The following SLFN12L variants were observed in gnomAD, a reference collection of about 807,000 sequenced individuals.
The protein encoded by SLFN12L is schlafen family member 12 like, also known as schlafen family member 12-like.
Under a neutral mutation model 34.8 loss-of-function variants are expected in SLFN12L, and 34 were observed. The observed-to-expected ratio is 0.98, with a 90% confidence interval of 0.74 to 1.30. The LOEUF is 1.30. SLFN12L is among the 50% of genes most tolerant of loss of function. SLFN12L has a pLI of 0.00. For synonymous variants in SLFN12L, 259 were observed against 247.5 expected, an observed-to-expected ratio of 1.05 and a Z score of -0.44; for missense variants, 703 against 696.2, an observed-to-expected ratio of 1.01 and a Z score of -0.11.
At chr17:35,496,472 T>G (rs893626137) in intron 2 of SLFN12L, among the ~76,000 whole-genome samples, 1 of 151,780 alleles carries the variant, frequency 6.6e-6, no homozygotes, top group Middle Eastern at 3.2e-3. Flanking sequence ...TGGACAAGTT[T>G]CCCTCCCTCC....
intron 2 of SLFN12L, chr17:35,498,814 A>G: frequency 2.4e-6 from 2 of 841,524 alleles, no homozygotes; most frequent in East Asian, 2.5e-5. Flanking sequence ...CTTGATGTGC[A>G]GCCTGCCAAG....
intron 4 of SLFN12L, among the ~76,000 whole-genome samples, chr17:35,475,935 TTATATATATGTA>T (rs1913984115): frequency 6.8e-6 from 1 of 146,570 alleles, no homozygotes; most frequent in African/African-American, 2.5e-5. Flanking sequence ...TTTTTTAAAT[TTATATATATGTA>T]TATATATATA....
chr17:35,535,858 G>A (rs1343220014), intron 1 of SLFN12L, among the ~76,000 whole-genome samples: 1 of 152,042 alleles, frequency 6.6e-6, no homozygotes, highest in Admixed American at 6.5e-5. Context: ...GTTTTACCAT[G>A]TTGGCCAGGC....
chr17:35,467,085 C>T lies in SLFN12L; in HGVS notation c.*7838G>A, dbSNP rs1913728293. Among the ~76,000 whole-genome samples the T allele has an allele frequency of 1.3e-5, 2 of 152,196 alleles. No individual in the cohort carries two copies. The highest frequency in any genetic ancestry group is 1.3e-4 in the Admixed American group (2 of 15,280). ...CACACGCAGAAGGGAGTGACGTCCCCAGTCCTTGGTCCCTTGCCAGATGCC... is the reference window on the plus strand; with the variant it reads ...CACACGCAGAAGGGAGTGACGTCCCTAGTCCTTGGTCCCTTGCCAGATGCC... On this transcript the variant is annotated 3_prime_UTR_variant, in exon 5 of 5. Transcript: ENST00000628453.
At chr17:35,482,880 G>A (rs2083820) in intron 2 of SLFN12L, among the ~76,000 whole-genome samples, 101,137 of 151,848 alleles carry the variant, frequency 0.67, 33,789 homozygotes, top group Middle Eastern at 0.77. Flanking sequence ...CTCTTCTGGG[G>A]CTGCATGTGG....
At chr17:35,481,295 C>G (rs928331975) in intron 2 of SLFN12L, among the ~76,000 whole-genome samples, 4 of 152,222 alleles carry the variant, frequency 2.6e-5, no homozygotes, top group Middle Eastern at 3.2e-3. Flanking sequence ...TCCACCACCT[C>G]TTGTGGAAGG....
rs769467787 is a variant in SLFN12L, at chr17:35,479,689, G to C, written c.593C>G (p.Ala198Gly). The change falls in exon 3 of 5, where the codon GCA becomes GGA. Residue 198 changes from alanine to glycine, a missense_variant. Transcript: ENST00000628453. ...LKDMEKTGGR[A>G]YLRPEFPAKR... ...TGCAGGGAATTCTGGTCTTAAATAT[G>C]CTCTCCCTCCAGTTTTTTCCATGTC... 1 of 1,613,474 alleles carries C rather than the reference G, an allele frequency of 6.2e-7. No individual in the cohort carries two copies. Among genetic ancestry groups the C allele is most frequent in the Non-Finnish European group, 8.5e-7 (1 of 1,179,670 alleles).
At chr17:35,504,543 G>A (rs1475041216) in intron 2 of SLFN12L, among the ~76,000 whole-genome samples, 1 of 152,202 alleles carries the variant, frequency 6.6e-6, no homozygotes, top group Non-Finnish European at 1.5e-5. Context: ...CAGTCCAGAG[G>A]CCCAGATTGT....
intron 1 of SLFN12L, among the ~76,000 whole-genome samples, chr17:35,524,230 G>A (rs1224438514): frequency 6.6e-6 from 1 of 152,190 alleles, no homozygotes; most frequent in Non-Finnish European, 1.5e-5. Context: ...AGAAGTTGGG[G>A]GAGATAAATA....
At chr17:35,529,473 A>C (rs1024489784) in intron 1 of SLFN12L, among the ~76,000 whole-genome samples, 4 of 152,256 alleles carry the variant, frequency 2.6e-5, no homozygotes, top group Non-Finnish European at 5.9e-5. Context: ...AGACTGGATA[A>C]AGAAAATGTG....
At chr17:35,516,258 T>G (rs748034321) in intron 2 of SLFN12L, among the ~76,000 whole-genome samples, 4 of 152,232 alleles carry the variant, frequency 2.6e-5, no homozygotes, top group Non-Finnish European at 5.9e-5. Context: ...GGGTCCCTAC[T>G]AGGGGCATGG....
At chr17:35,491,544 C>T (rs879854316) in intron 2 of SLFN12L, among the ~76,000 whole-genome samples, 1 of 152,226 alleles carries the variant, frequency 6.6e-6, no homozygotes, top group Non-Finnish European at 1.5e-5. Flanking sequence ...CCGACTTTTC[C>T]TTCCTCCTTC....
Position 35,475,052 on chromosome 17 carries a change from A to G in SLFN12L, c.1710T>C (p.Ala570=), listed in dbSNP as rs769467809. 21 of 1,612,682 alleles carry G rather than the reference A, an allele frequency of 1.3e-5. No individual in the cohort carries two copies. The East Asian group carries it at 4.5e-4, about 34-fold the overall frequency. Reference sequence around the variant, plus strand: ...CCTTTTCCAAGTCTTTCATTGTTTGAGCTGTTGTCCAATAGTAGGATTCAG... The same window carrying G: ...CCTTTTCCAAGTCTTTCATTGTTTGGGCTGTTGTCCAATAGTAGGATTCAG... ...IYPESYYWTT[A]QTMKDLEKAL... Residue 570 remains alanine, a synonymous_variant, in exon 5 of 5, where the codon GCT becomes GCC. Transcript: ENST00000628453.
chr17:35,490,164 C>A, intron 2 of SLFN12L: 1 of 1,606,872 alleles, frequency 6.2e-7, no homozygotes, highest in South Asian at 1.1e-5. Context: ...TCCAGCAGAG[C>A]CGGGCTGCTG....
intron 2 of SLFN12L, among the ~76,000 whole-genome samples, chr17:35,484,242 C>T (rs1914485748): frequency 6.6e-6 from 1 of 152,308 alleles, no homozygotes; most frequent in African/African-American, 2.4e-5. Context: ...CTCTCTGCTA[C>T]TCCCACATAA....
intron 2 of SLFN12L, among the ~76,000 whole-genome samples, chr17:35,494,891 T>C (rs953048201): frequency 1.9e-5 from 2 of 103,748 alleles, no homozygotes; most frequent in African/African-American, 7.5e-5. Flanking sequence ...TTTATTTATT[T>C]TATTTATTTA....
intron 4 of SLFN12L, among the ~76,000 whole-genome samples, chr17:35,475,839 G>A (rs34747751): frequency 0.2 from 29,773 of 151,726 alleles, 3,309 homozygotes; most frequent in Middle Eastern, 0.3. Context: ...AGTTGAGGCT[G>A]CAGTGAGCTG....
intron 4 of SLFN12L, 118 bp from the exon 5 acceptor site, chr17:35,475,603 T>C: frequency 1.4e-6 from 2 of 1,419,444 alleles, no homozygotes; most frequent in Non-Finnish European, 1.8e-6. Flanking sequence ...AAAAGCTATG[T>C]AAAAGTGTAT....
In SLFN12L at chr17:35,470,358, A is replaced by C. The variant is rs1913785818; in HGVS notation, c.*4565T>G. On this transcript the variant is annotated 3_prime_UTR_variant, in exon 5 of 5. Transcript: ENST00000628453. ...CTTCAAATGGGGCTGGCCTGGTGAT[A>C]CTGGAGACAATAAATGCGCCTGTAA... The C allele has an allele frequency of 6.3e-6, 1 of 159,462 alleles. No individual in the cohort carries two copies. The highest frequency in any genetic ancestry group is 2.4e-5 in the African/African-American group (1 of 41,500). 9.9% of individuals were successfully genotyped at this position (159,462 alleles called of 1,614,324 possible).
Sources: gnomAD v4.1 joint callset for allele counts (sites outside exome capture counted in the v4.1 genomes callset) on GRCh38, gnomAD v4.1.1 for gene constraint, MANE v1.5 for transcripts, NCBI Gene and HGNC (gene_info 2026-07-23, HGNC 2026-07-21) for gene names.